TXNRD2: variants seen among roughly 807,000 people sequenced by gnomAD.
TXNRD2 encodes the protein thioredoxin reductase 2.
TXNRD2 carries 67 observed loss-of-function variants against 70.8 expected under a neutral mutation model. The observed-to-expected ratio is 0.95, with a 90% CI of 0.78 to 1.16. TXNRD2 has a LOEUF of 1.16. Among genes scored for constraint, TXNRD2 ranks in the 50% most tolerant of loss-of-function variants. The probability of loss-of-function intolerance (pLI) is 0.00; values close to 1 mark genes in which losing one functional copy is unlikely to be tolerated. For missense variants in TXNRD2, 644 were observed against 719.9 expected (o/e 0.89, Z 1.21); for synonymous variants, 301 against 295.8 (o/e 1.02, Z -0.18).
chr22:19,922,796 C>T (rs962061509), intron 2 of TXNRD2, among the ~76,000 whole-genome samples: 2 of 152,180 alleles, frequency 1.3e-5, no homozygotes, highest in Non-Finnish European at 2.9e-5. Context: ...AAGCGATTCT[C>T]CTGCCTAAGC....
At chr22:19,931,242 TAC>T (rs1185993295) in intron 1 of TXNRD2, 144 bp from the exon 2 acceptor site, 6 of 773,594 alleles carry the variant, frequency 7.8e-6, no homozygotes, top group Non-Finnish European at 8.9e-6. Flanking sequence ...AGTGACTCGA[TAC>T]ACATAGTCTG....
At chr22:19,920,310 G>T (rs751333026) in intron 2 of TXNRD2, among the ~76,000 whole-genome samples, 1 of 152,238 alleles carries the variant, frequency 6.6e-6, no homozygotes, top group Non-Finnish European at 1.5e-5. Context: ...GGGCATGGTG[G>T]CTCACACCTG....
chr22:19,925,373 C>A (rs1407483311), intron 2 of TXNRD2, among the ~76,000 whole-genome samples: 1 of 151,700 alleles, frequency 6.6e-6, no homozygotes, highest in African/African-American at 2.4e-5. Flanking sequence ...GAATTCATTA[C>A]CCCCAGAGCC....
intron 10 of TXNRD2, among the ~76,000 whole-genome samples, chr22:19,896,302 C>CA (rs922135136): frequency 1.0e-4 from 15 of 143,980 alleles, no homozygotes; most frequent in East Asian, 9.8e-4. Context: ...TGTCTCAAAC[C>CA]AAAAAAAAAG....
intron 11 of TXNRD2, among the ~76,000 whole-genome samples, chr22:19,890,891 C>T (rs1382204356): frequency 2.0e-5 from 3 of 152,140 alleles, no homozygotes; most frequent in Non-Finnish European, 4.4e-5. Flanking sequence ...AGGGCTGCAG[C>T]CCACCCTGGC....
At chr22:19,895,720 G>T in intron 10 of TXNRD2, 139 bp from the exon 11 acceptor site, 1 of 937,540 alleles carries the variant, frequency 1.1e-6, no homozygotes, top group Non-Finnish European at 1.6e-6. Flanking sequence ...CCTGCCCCCT[G>T]CTCTACGTCC....
intron 1 of TXNRD2, 191 bp downstream of exon 1, chr22:19,941,510 T>G: frequency 5.8e-6 from 6 of 1,032,696 alleles, no homozygotes; most frequent in Non-Finnish European, 7.7e-6. Context: ...TTTCCCCACC[T>G]GGGAAGGGGG....
chr22:19,880,579 A>G lies in TXNRD2; in HGVS notation c.1182+43T>C, dbSNP rs369955853. ...CCCCAGAAGAGCTAGCCTCGAACTC[A>G]GCCTGTCCTAGGCTGCACGTGGCGT... On this transcript the variant is annotated intron_variant, in intron 13 of 17. Coordinates refer to ENST00000400521, the MANE Select transcript of TXNRD2 (RefSeq NM_006440.5). 9 of 1,575,502 alleles carry G rather than the reference A, an allele frequency of 5.7e-6. No individual in the cohort carries two copies. The African/African-American group carries it at 6.7e-5, about 12-fold the overall frequency.
chr22:19,918,876 G>A lies in TXNRD2; in HGVS notation c.358C>T (p.Pro120Ser), dbSNP rs553328778. 47 of 1,609,932 alleles carry A rather than the reference G, an allele frequency of 2.9e-5. No homozygotes were observed. Among genetic ancestry groups the A allele is most frequent in the Middle Eastern group, 1.7e-4 (1 of 6,032 alleles). Residue 120 changes from proline to serine, a missense_variant, in exon 4 of 18, where the codon CCC (proline) becomes TCC (serine). This residue lies in a region of TXNRD2 where 566 missense variants were observed against 645.0 expected (regional missense o/e 0.88). Transcript: ENST00000400521. ...APNYGWEVAQ[P>S]VPHDWRKMAE... ...GATCCTTACCAGTCATGCGGCACGG[G>A]CTGGGCCACCTCCCAGCCATAGTTG...
chr22:19,937,182 C>T (rs948051369), intron 1 of TXNRD2, among the ~76,000 whole-genome samples: 3 of 152,128 alleles, frequency 2.0e-5, no homozygotes, highest in African/African-American at 4.8e-5. Context: ...TCAGCTAAAT[C>T]GGGCTGATGG....
In TXNRD2 at chr22:19,912,047, G is replaced by T. The variant is rs909223178; in HGVS notation, c.592-600C>A. Among the ~76,000 whole-genome samples, 4 of 152,154 alleles carry T rather than the reference G, an allele frequency of 2.6e-5. 1 individual carries two copies. Among genetic ancestry groups the T allele is most frequent in the East Asian group, 3.9e-4 (2 of 5,188 alleles). Reference sequence around the variant, plus strand: ...CAGGGACTGAGGGGCAGCTCTGAGGGCACCTGGCTGAAGCCAGGACGGACT... The same window carrying T: ...CAGGGACTGAGGGGCAGCTCTGAGGTCACCTGGCTGAAGCCAGGACGGACT... On this transcript the variant is annotated intron_variant, in intron 7 of 17. Transcript: ENST00000400521.
intron 2 of TXNRD2, among the ~76,000 whole-genome samples, chr22:19,924,294 C>A (rs1941035092): frequency 6.6e-6 from 1 of 152,104 alleles, no homozygotes; most frequent in Admixed American, 6.6e-5. Context: ...GGCTGAAAAG[C>A]AAACAGGGCG....
intron 2 of TXNRD2, among the ~76,000 whole-genome samples, chr22:19,929,754 C>A (rs1941288150): frequency 6.6e-6 from 1 of 152,130 alleles, no homozygotes; most frequent in Non-Finnish European, 1.5e-5. Context: ...GGCAGACTAA[C>A]GGGGTGGAGG....
At chr22:19,888,751 AGCCAGCCACCCTCACGGGGCCTGGCCTGC>A (rs1939136796) in intron 11 of TXNRD2, among the ~76,000 whole-genome samples, 1 of 152,168 alleles carries the variant, frequency 6.6e-6, no homozygotes, top group South Asian at 2.1e-4. Flanking sequence ...TGGCCCCCAG[AGCCAGCCACCCTCACGGGGCCTGGCCTGC>A]CACTTGCCCC....
At chr22:19,904,072 A>G (rs1031056712) in intron 8 of TXNRD2, among the ~76,000 whole-genome samples, 4 of 152,200 alleles carry the variant, frequency 2.6e-5, no homozygotes, top group African/African-American at 9.6e-5. Context: ...GCAGGAGCCG[A>G]CCTGGAGTCC....
chr22:19,907,984 A>T (rs71312723), intron 8 of TXNRD2, among the ~76,000 whole-genome samples: 28 of 43,894 alleles, frequency 6.4e-4, no homozygotes, highest in South Asian at 1.4e-3. Flanking sequence ...TAGCAGTGAC[A>T]GCTCTCAGGA....
intron 1 of TXNRD2, chr22:19,941,469 G>A (rs185780792): frequency 5.3e-5 from 32 of 601,402 alleles, no homozygotes; most frequent in Middle Eastern, 4.9e-4. Context: ...AGTCAGCACA[G>A]CAGGACCTTA....
Position 19,878,232 on chromosome 22 carries a change from T to C in TXNRD2, c.1348-45A>G, listed in dbSNP as rs751011363. The C allele has an allele frequency of 5.6e-6, 9 of 1,597,764 alleles. No homozygotes were observed. The Admixed American group carries it at 1.2e-4, about 21-fold the overall frequency. ...GCCACCAGCCCAGGAGGGGGCTGGG[T>C]TGCGTCCACCCTGCATCCACCCTGC... is the stretch of plus-strand genomic sequence containing the variant. On this transcript the variant is annotated intron_variant, in intron 15 of 17. Transcript: ENST00000400521.
At chr22:19,898,917 C>T in intron 9 of TXNRD2, 132 bp downstream of exon 9, 1 of 1,148,436 alleles carries the variant, frequency 8.7e-7, no homozygotes, top group Non-Finnish European at 1.3e-6. Context: ...GTAGATCCTC[C>T]ACGCCGAGAG....
Sources: gnomAD v4.1 joint callset for allele counts (sites outside exome capture counted in the v4.1 genomes callset) on GRCh38, gnomAD v4.1.1 for gene constraint, gnomAD v4.1.1 regional missense constraint, MANE v1.5 for transcripts, NCBI Gene and HGNC (gene_info 2026-07-23, HGNC 2026-07-21) for gene names.